RHOG: variants seen among roughly 807,000 people sequenced by gnomAD.
The protein encoded by RHOG is rho-related GTP-binding protein RhoG.
In RHOG, 1 loss-of-function variant was observed where a neutral mutation model predicts 12.3. That is an observed-to-expected ratio of 0.08 (90% CI 0.03 to 0.39). The LOEUF is 0.39. RHOG is among the 10% of genes least tolerant of loss of function. RHOG has a pLI of 0.99. For missense variants in RHOG, 114 were observed against 266.2 expected, an observed-to-expected ratio of 0.43 and a Z score of 3.98; for synonymous variants, 129 against 116.0, an observed-to-expected ratio of 1.11 and a Z score of -0.72.
intron 1 of RHOG, among the ~76,000 whole-genome samples, chr11:3,828,870 T>C (rs189861087): frequency 0.011 from 1,671 of 152,118 alleles, 28 homozygotes; most frequent in African/African-American, 0.037. Flanking sequence ...TCCGCCCGCC[T>C]TGGCCTCCTA....
chr11:3,837,629 A>G (rs1033948869), intron 1 of RHOG, among the ~76,000 whole-genome samples: 29 of 152,336 alleles, frequency 1.9e-4, no homozygotes, highest in African/African-American at 6.0e-4. Flanking sequence ...CAGGTAGCAA[A>G]TCTACGACAA....
intron 1 of RHOG, among the ~76,000 whole-genome samples, chr11:3,834,068 A>G (rs1256326104): frequency 6.6e-6 from 1 of 152,132 alleles, no homozygotes; most frequent in African/African-American, 2.4e-5. Context: ...GATTACATGC[A>G]TGTGCCATCA....
At chr11:3,837,003 G>A (rs934878651) in intron 1 of RHOG, among the ~76,000 whole-genome samples, 3 of 148,874 alleles carry the variant, frequency 2.0e-5, no homozygotes, top group African/African-American at 7.5e-5. Flanking sequence ...ACGCAGCACA[G>A]AGGAAGGGTG....
Position 3,828,751 on chromosome 11 carries a change from G to C in RHOG, c.-68-545C>G, listed in dbSNP as rs543285653. On this transcript the variant is annotated intron_variant, in intron 1 of 1. Coordinates refer to ENST00000351018, the MANE Select transcript of RHOG (RefSeq NM_001665.4). Reference sequence around the variant, plus strand: ...CCATTCTGCCTCAGCCTCTCGAGTAGCTGGGACTACAGGCACCCACCACCA... The same window carrying C: ...CCATTCTGCCTCAGCCTCTCGAGTACCTGGGACTACAGGCACCCACCACCA... Among the ~76,000 whole-genome samples the C allele has an allele frequency of 2.4e-3, 363 of 151,146 alleles. 3 individuals are homozygous for C. The highest frequency in any genetic ancestry group is 4.4e-3 in the Non-Finnish European group (296 of 67,858).
intron 1 of RHOG, among the ~76,000 whole-genome samples, chr11:3,829,470 C>G (rs2090113252): frequency 2.0e-5 from 3 of 151,974 alleles, no homozygotes; most frequent in Admixed American, 2.0e-4. Flanking sequence ...ATGCTGGTCT[C>G]AAGCTCCTGA....
At chr11:3,837,385 A>G (rs1480541611) in intron 1 of RHOG, among the ~76,000 whole-genome samples, 1 of 152,156 alleles carries the variant, frequency 6.6e-6, no homozygotes. Flanking sequence ...AAGCTCTAAC[A>G]GTCCTTGTGC....
rs1008629046 is a variant in RHOG at position 3,835,751 on chromosome 11, C to T, written c.-69+5143G>A. Among the ~76,000 whole-genome samples, 3 of 152,178 alleles carry T rather than the reference C, an allele frequency of 2.0e-5. No individual in the cohort carries two copies. The South Asian group carries it at 6.2e-4, about 32-fold the overall frequency. On this transcript the variant is annotated intron_variant, in intron 1 of 1. Transcript: ENST00000351018. ...GGGAAGGAAAAGTGGTCCCGACAGG[C>T]TACAGACTGGGAATATCCGAGGACC... is the stretch of plus-strand genomic sequence containing the variant.
At chr11:3,828,552 T>G (rs922693455) in intron 1 of RHOG, among the ~76,000 whole-genome samples, 1 of 152,190 alleles carries the variant, frequency 6.6e-6, no homozygotes, top group South Asian at 2.1e-4. Context: ...TCTACCTCAC[T>G]GGGTCATTGT....
At chr11:3,838,024 C>G (rs1161721243) in intron 1 of RHOG, among the ~76,000 whole-genome samples, 1 of 152,240 alleles carries the variant, frequency 6.6e-6, no homozygotes, top group Non-Finnish European at 1.5e-5. Context: ...CCAGTCTGAT[C>G]TGGGGAGGTG....
At chr11:3,840,558 G>A (rs986826065) in intron 1 of RHOG, 8 of 149,260 alleles carry the variant, frequency 5.4e-5, no homozygotes, top group Non-Finnish European at 1.2e-4. Context: ...AACTTCTGAG[G>A]ACACCCCACC....
At chr11:3,837,264 G>A (rs901959928) in intron 1 of RHOG, among the ~76,000 whole-genome samples, 5 of 152,114 alleles carry the variant, frequency 3.3e-5, no homozygotes, top group African/African-American at 9.7e-5. Context: ...AGGAAACTCC[G>A]GCATCTATTT....
intron 1 of RHOG, among the ~76,000 whole-genome samples, chr11:3,833,509 C>G (rs752188308): frequency 1.3e-5 from 2 of 152,172 alleles, no homozygotes; most frequent in African/African-American, 4.8e-5. Flanking sequence ...TACTGGCATT[C>G]AGAGTTCTTC....
intron 1 of RHOG, among the ~76,000 whole-genome samples, 170 bp from the exon 2 acceptor site, chr11:3,828,376 C>G (rs1009857680): frequency 2.0e-5 from 3 of 152,120 alleles, no homozygotes; most frequent in Non-Finnish European, 4.4e-5. Flanking sequence ...GCCCTGAGGC[C>G]AAGCAAAGAG....
chr11:3,828,306 T>A, intron 1 of RHOG, 100 bp from the exon 2 acceptor site: 1 of 627,032 alleles, frequency 1.6e-6, no homozygotes, highest in Non-Finnish European at 2.8e-6. Flanking sequence ...CCTGTTCCCT[T>A]AACCTGACAC....
chr11:3,828,866 C>T (rs908181568), intron 1 of RHOG, among the ~76,000 whole-genome samples: 14 of 151,882 alleles, frequency 9.2e-5, no homozygotes, highest in East Asian at 3.9e-4. Context: ...GTGATCCGCC[C>T]GCCTTGGCCT....
intron 1 of RHOG, among the ~76,000 whole-genome samples, chr11:3,834,643 G>A (rs974981577): frequency 6.6e-6 from 1 of 152,236 alleles, no homozygotes; most frequent in Non-Finnish European, 1.5e-5. Flanking sequence ...GTGGTCCCTG[G>A]AGCCCGGCTT....
chr11:3,827,370 G>A lies in RHOG; in HGVS notation c.*193C>T, dbSNP rs576990389. The A allele has an allele frequency of 6.7e-6, 4 of 596,750 alleles. No individual in the cohort carries two copies. The highest frequency in any genetic ancestry group is 3.7e-5 in the African/African-American group (2 of 53,768). 37.0% of individuals were successfully genotyped at this position (596,750 alleles called of 1,614,324 possible). ...AATACCCAGTGTTCCCAAGCAGAGG[G>A]GGGCAGAGCCCAAAGCCCCTTTCTC... On this transcript the variant is annotated 3_prime_UTR_variant, in exon 2 of 2. Coordinates refer to ENST00000351018, the MANE Select transcript of RHOG (RefSeq NM_001665.4). This position sits in a 1 kb window ranked among gnomAD's most constrained non-coding sequence, Gnocchi z 7.3.
intron 1 of RHOG, chr11:3,837,695 G>A (rs2090165647): frequency 6.6e-6 from 1 of 152,206 alleles, no homozygotes; most frequent in Non-Finnish European, 1.5e-5. Flanking sequence ...GAGAGAAGGT[G>A]AGGATTCTAA....
At position 3,837,034 on chromosome 11, in the gene RHOG, C is replaced by T. The variant is rs922754995; in HGVS notation, c.-69+3860G>A. ...GGGTGCACACTGGCTTCCTCCTCCC[C>T]GCCTAGCAGCAGCTCAGCAGTCCCT... On this transcript the variant is annotated intron_variant, in intron 1 of 1. Transcript: ENST00000351018. Among the ~76,000 whole-genome samples the T allele has an allele frequency of 7.9e-5, 12 of 152,206 alleles. No individual in the cohort carries two copies. The East Asian group carries it at 1.2e-3, about 15-fold the overall frequency.
Sources: gnomAD v4.1 joint callset for allele counts (sites outside exome capture counted in the v4.1 genomes callset) on GRCh38, gnomAD v4.1.1 for gene constraint, Gnocchi (gnomAD v3.1) non-coding constraint, MANE v1.5 for transcripts, NCBI Gene and HGNC (gene_info 2026-07-23, HGNC 2026-07-21) for gene names.